Variants in RASGEF1C observed in about 807,000 individuals in gnomAD.
RASGEF1C encodes ras-GEF domain-containing family member 1C.
A neutral mutation model predicts 58.1 loss-of-function variants in RASGEF1C; 27 were observed. That is an observed-to-expected ratio of 0.46 (90% confidence interval 0.34 to 0.64). RASGEF1C has a LOEUF of 0.64. RASGEF1C is among the 30% of genes least tolerant of loss of function. RASGEF1C has a pLI of 0.01. For synonymous variants in RASGEF1C, 243 were observed against 246.3 expected (o/e 0.99, Z 0.13); for missense variants, 502 against 605.1 (o/e 0.83, Z 1.79).
At chr5:180,203,708 C>T (rs777428190) in intron 1 of RASGEF1C, among the ~76,000 whole-genome samples, 9 of 152,124 alleles carry the variant, frequency 5.9e-5, no homozygotes, top group Non-Finnish European at 1.3e-4. Context: ...TTGAAACATA[C>T]TACAGGCTGG....
At chr5:180,182,306 G>C (rs183193278) in intron 1 of RASGEF1C, among the ~76,000 whole-genome samples, 3 of 151,258 alleles carry the variant, frequency 2.0e-5, no homozygotes, top group African/African-American at 7.3e-5. Flanking sequence ...TCTTCCTTCC[G>C]GTGGGTTTGT....
At chr5:180,147,117 T>C (rs1766670994) in intron 1 of RASGEF1C, among the ~76,000 whole-genome samples, 1 of 152,126 alleles carries the variant, frequency 6.6e-6, no homozygotes, top group African/African-American at 2.4e-5. Context: ...AGTACTCTTA[T>C]AATCCCTTTA....
chr5:180,174,481 TGTGTGTGCGC>T (rs1267028735), intron 1 of RASGEF1C, among the ~76,000 whole-genome samples: 10 of 60,560 alleles, frequency 1.7e-4, no homozygotes, highest in Non-Finnish European at 4.0e-4. Context: ...TATGTGTGTC[TGTGTGTGCGC>T]GTGTGTGTCT....
chr5:180,192,394 C>T (rs1048635110), intron 1 of RASGEF1C, among the ~76,000 whole-genome samples: 1 of 152,102 alleles, frequency 6.6e-6, no homozygotes, highest in African/African-American at 2.4e-5. Flanking sequence ...TGGGGTGAGG[C>T]TCTCAAGAGT....
intron 1 of RASGEF1C, among the ~76,000 whole-genome samples, chr5:180,203,175 G>A (rs1289329855): frequency 1.3e-5 from 2 of 152,162 alleles, no homozygotes; most frequent in African/African-American, 4.8e-5. Flanking sequence ...CATACATTTG[G>A]GACTGGGTGG....
chr5:180,162,220 A>C (rs1344160868), intron 1 of RASGEF1C, among the ~76,000 whole-genome samples: 1 of 152,156 alleles, frequency 6.6e-6, no homozygotes, highest in South Asian at 2.1e-4. Flanking sequence ...CTCGCTGAAA[A>C]TCACGACATT....
intron 1 of RASGEF1C, among the ~76,000 whole-genome samples, chr5:180,195,724 T>C (rs558030216): frequency 1.3e-5 from 2 of 149,028 alleles, no homozygotes; most frequent in East Asian, 2.0e-4. Context: ...ATCACACCAC[T>C]ACTGCACTCC....
At chr5:180,120,507 G>A (rs564542965) in intron 7 of RASGEF1C, among the ~76,000 whole-genome samples, 2 of 152,222 alleles carry the variant, frequency 1.3e-5, no homozygotes, top group East Asian at 3.9e-4. Flanking sequence ...AGCTCAAGGT[G>A]AGAGAGTGGG....
rs376118703 is a variant in RASGEF1C at position 180,113,002 on chromosome 5, C to T, written c.1180-1422G>A. 1.2e-3 allele frequency among the ~76,000 whole-genome samples: 14 copies of T among 11,518 alleles called. 1 individual carries two copies. Among genetic ancestry groups the T allele is most frequent in the Admixed American group, 2.4e-3 (3 of 1,262 alleles). 7.6% of individuals were successfully genotyped at this position (11,518 alleles called of 152,430 possible). A position where few individuals can be genotyped will look rare whatever the true frequency, so the allele number is the denominator to read the frequency against. ...GGGACCGGGGATGGACGGAGGGATCCGGGCTGGACGGAGGGACCGGGGATG... is the reference window on the plus strand; with the variant it reads ...GGGACCGGGGATGGACGGAGGGATCTGGGCTGGACGGAGGGACCGGGGATG... On this transcript the variant is annotated intron_variant, in intron 11 of 13. Coordinates refer to ENST00000361132, the MANE Select transcript of RASGEF1C (RefSeq NM_175062.4).
chr5:180,159,227 C>T (rs1048626482), intron 1 of RASGEF1C, among the ~76,000 whole-genome samples: 1 of 151,544 alleles, frequency 6.6e-6, no homozygotes, highest in Non-Finnish European at 1.5e-5. Flanking sequence ...GCAACCTTTG[C>T]CTCCCAGGTT....
rs115814131 is a variant in RASGEF1C at position 180,207,337 on chromosome 5, G to A, written c.-7+1691C>T. Among the ~76,000 whole-genome samples the A allele has an allele frequency of 4.8e-3, 733 of 152,344 alleles. 7 individuals carry two copies. The highest frequency in any genetic ancestry group is 0.017 in the African/African-American group (695 of 41,578). On this transcript the variant is annotated intron_variant, in intron 1 of 13. Coordinates refer to ENST00000361132, the MANE Select transcript of RASGEF1C (RefSeq NM_175062.4). The stretch of plus-strand genomic sequence containing the variant: ...GAAATATTAATTTTTAGTAAAAAAG[G>A]GGCCTTGGCTTGGTCCACTGACAAG...
Position 180,111,555 on chromosome 5 carries a change from A to G in RASGEF1C, c.1205T>C (p.Val402Ala). The change falls in exon 12 of 14, where the codon GTG becomes GCG. Residue 402 changes from valine (V) to alanine (A), a missense_variant. Transcript: ENST00000361132. ...TTGTTTCCAGGTGATGAACTCCCCC[A>G]CCTGCTTGGCCAGCTCCAGGAATTT... is the stretch of plus-strand genomic sequence containing the variant. ...FEKFLELAKQ[V>A]GEFITWKQVE... The G allele has an allele frequency of 3.7e-6, 6 of 1,614,076 alleles. No homozygotes were observed. The highest frequency in any genetic ancestry group is 5.1e-6 in the Non-Finnish European group (6 of 1,179,956).
chr5:180,153,210 C>T (rs758212145), intron 1 of RASGEF1C, among the ~76,000 whole-genome samples: 3 of 152,296 alleles, frequency 2.0e-5, no homozygotes, highest in Non-Finnish European at 4.4e-5. Context: ...AATGGGGGCC[C>T]ACCTCTGTGT....
chr5:180,187,313 T>A (rs1756060661), intron 1 of RASGEF1C, among the ~76,000 whole-genome samples: 1 of 152,030 alleles, frequency 6.6e-6, no homozygotes, highest in Non-Finnish European at 1.5e-5. Flanking sequence ...ACTATAAAAC[T>A]CTCAGGAGAA....
At chr5:180,180,704 A>G (rs1767311048) in intron 1 of RASGEF1C, among the ~76,000 whole-genome samples, 1 of 152,266 alleles carries the variant, frequency 6.6e-6, no homozygotes, top group Non-Finnish European at 1.5e-5. Flanking sequence ...CTTTTCAGCC[A>G]GCATGGCTGT....
Position 180,177,263 on chromosome 5 carries a change from G to A in RASGEF1C, c.-7+31765C>T, listed in dbSNP as rs762596980. 3.0e-4 allele frequency among the ~76,000 whole-genome samples: 45 copies of A among 152,200 alleles called. No individual in the cohort carries two copies. Among genetic ancestry groups the A allele is most frequent in the Admixed American group, 3.9e-4 (6 of 15,286 alleles). ...CCCCTCAGCCCCGAAGCCAGGGGCTGCTTTCCCTTTCCGGCCCCACCTCCC... is the reference window on the plus strand; with the variant it reads ...CCCCTCAGCCCCGAAGCCAGGGGCTACTTTCCCTTTCCGGCCCCACCTCCC... On this transcript the variant is annotated intron_variant, in intron 1 of 13. Coordinates refer to ENST00000361132, the MANE Select transcript of RASGEF1C (RefSeq NM_175062.4). The surrounding 1 kb of genome is among the most constrained non-coding windows in gnomAD (Gnocchi z 5.0).
chr5:180,121,345 G>T (rs1039691295), intron 6 of RASGEF1C, among the ~76,000 whole-genome samples, 196 bp from the exon 7 acceptor site: 4 of 150,026 alleles, frequency 2.7e-5, no homozygotes, highest in Non-Finnish European at 5.9e-5. Context: ...ACGGAGTCCC[G>T]CTCTGTCGCC....
chr5:180,194,290 T>G (rs1410298933), intron 1 of RASGEF1C, among the ~76,000 whole-genome samples: 1 of 152,250 alleles, frequency 6.6e-6, no homozygotes, highest in East Asian at 1.9e-4. Context: ...CTCCTGAAAT[T>G]GGTTAGAGCG....
chr5:180,207,691 C>T (rs923640605), intron 1 of RASGEF1C, among the ~76,000 whole-genome samples: 6 of 152,152 alleles, frequency 3.9e-5, no homozygotes, highest in Non-Finnish European at 5.9e-5. Context: ...AGCCTTTCGA[C>T]GCCCAACCTG....
Sources: gnomAD v4.1 joint callset for allele counts (sites outside exome capture counted in the v4.1 genomes callset) on GRCh38, gnomAD v4.1.1 for gene constraint, Gnocchi (gnomAD v3.1) non-coding constraint, MANE v1.5 for transcripts, NCBI Gene and HGNC (gene_info 2026-07-23, HGNC 2026-07-21) for gene names.